Variants in KLHL24 observed in about 807,000 individuals in gnomAD.
KLHL24 encodes the protein kelch like family member 24.
KLHL24 carries 29 observed loss-of-function variants against 53.4 expected under a neutral mutation model. The ratio of observed to expected loss-of-function variants is 0.54; its 90% CI spans 0.40 to 0.74. The LOEUF is 0.74. Among genes scored for constraint, KLHL24 ranks in the 30% least tolerant of loss-of-function variants. The pLI, the probability that KLHL24 is intolerant of heterozygous loss-of-function variation, is 0.00. For synonymous variants in KLHL24, 222 were observed against 253.7 expected (o/e 0.88, Z 1.19); for missense variants, 504 against 744.0 (o/e 0.68, Z 3.75).
At chr3:183,643,934 C>T (rs1382643196) in intron 2 of KLHL24, among the ~76,000 whole-genome samples, 2 of 150,062 alleles carry the variant, frequency 1.3e-5, no homozygotes, top group African/African-American at 4.9e-5. Flanking sequence ...TGTAATCTTA[C>T]GTTTTGTTTG....
intron 7 of KLHL24, among the ~76,000 whole-genome samples, chr3:183,677,922 G>A (rs1007569630): frequency 6.6e-6 from 1 of 152,112 alleles, no homozygotes; most frequent in African/African-American, 2.4e-5. Context: ...CTCCCGAGTA[G>A]TAGGGATTAC....
intron 3 of KLHL24, among the ~76,000 whole-genome samples, chr3:183,656,530 T>G (rs1317950253): frequency 1.3e-5 from 2 of 152,220 alleles, no homozygotes; most frequent in Non-Finnish European, 2.9e-5. Flanking sequence ...AGAGAATTAA[T>G]ATGGTAGCTA....
intron 2 of KLHL24, among the ~76,000 whole-genome samples, chr3:183,649,361 T>C (rs9876259): frequency 0.33 from 50,895 of 152,004 alleles, 9,380 homozygotes; most frequent in African/African-American, 0.49. Context: ...TTTTTAATGG[T>C]TGCATAGACT....
intron 7 of KLHL24, among the ~76,000 whole-genome samples, chr3:183,674,202 C>G (rs1254938210): frequency 6.6e-6 from 1 of 151,980 alleles, no homozygotes; most frequent in Non-Finnish European, 1.5e-5. Flanking sequence ...ATTAGTCTTC[C>G]TTTCTCTAAT....
chr3:183,674,299 CT>C (rs1293123233), intron 7 of KLHL24, among the ~76,000 whole-genome samples: 8 of 145,104 alleles, frequency 5.5e-5, no homozygotes, highest in South Asian at 2.2e-4. Context: ...TTCTTTCTTT[CT>C]TTCCTTTCTT....
intron 1 of KLHL24, among the ~76,000 whole-genome samples, chr3:183,642,417 G>T (rs1716574183): frequency 6.6e-6 from 1 of 151,934 alleles, no homozygotes; most frequent in Non-Finnish European, 1.5e-5. Context: ...TAAAAAAAAG[G>T]TCGTTTATAT....
At chr3:183,671,869 TTTG>T (rs1200573145) in intron 6 of KLHL24, among the ~76,000 whole-genome samples, 1 of 152,228 alleles carries the variant, frequency 6.6e-6, no homozygotes, top group African/African-American at 2.4e-5. Flanking sequence ...TTATTTAGAA[TTTG>T]TTATTTCAGA....
intron 5 of KLHL24, among the ~76,000 whole-genome samples, chr3:183,669,833 G>A (rs1388939268): frequency 6.6e-6 from 1 of 152,198 alleles, no homozygotes; most frequent in Non-Finnish European, 1.5e-5. Context: ...TCAAGTGGGT[G>A]ATGGCAGCGG....
chr3:183,653,106 C>A (rs528956813), intron 3 of KLHL24, among the ~76,000 whole-genome samples: 4 of 152,294 alleles, frequency 2.6e-5, no homozygotes, highest in Admixed American at 6.5e-5. Flanking sequence ...TTTAAGGGAA[C>A]AAATCTATTT....
In KLHL24 at chr3:183,680,121, T is replaced by C. The variant is rs1271183480; in HGVS notation, c.*835T>C. ...GCAGTGGAAACCCATTTTGCAATAT[T>C]GTTTTGTGAAAAACAGGGACAGACA... On this transcript the variant is annotated 3_prime_UTR_variant, in exon 8 of 8. Transcript: ENST00000242810. 1.3e-5 allele frequency: 2 copies of C among 152,170 alleles called. No individual in the cohort carries two copies. Among genetic ancestry groups the C allele is most frequent in the East Asian group, 1.9e-4 (1 of 5,194 alleles). 9.4% of individuals were successfully genotyped at this position (152,170 alleles called of 1,614,324 possible). A position where few individuals can be genotyped will look rare whatever the true frequency, so the allele number is the denominator to read the frequency against.
intron 7 of KLHL24, among the ~76,000 whole-genome samples, chr3:183,676,378 G>A (rs769177957): frequency 1.3e-5 from 2 of 152,198 alleles, no homozygotes; most frequent in Non-Finnish European, 2.9e-5. Context: ...TTACAGGCAT[G>A]AGCCACGGCA....
At chr3:183,676,259 C>T (rs548665140) in intron 7 of KLHL24, among the ~76,000 whole-genome samples, 5 of 152,310 alleles carry the variant, frequency 3.3e-5, no homozygotes, top group Admixed American at 1.3e-4. Flanking sequence ...CCACACCCAG[C>T]TAATTTTTGT....
chr3:183,653,772 G>A (rs1462781369), intron 3 of KLHL24, among the ~76,000 whole-genome samples: 1 of 150,470 alleles, frequency 6.6e-6, no homozygotes, highest in East Asian at 2.0e-4. Flanking sequence ...CCCATTTTTT[G>A]GGGGCCTTTG....
intron 3 of KLHL24, among the ~76,000 whole-genome samples, chr3:183,656,180 G>A (rs1338819614): frequency 3.0e-4 from 45 of 151,176 alleles, no homozygotes; most frequent in Non-Finnish European, 5.9e-5. Flanking sequence ...GGGACTACAG[G>A]TGTACATCAC....
intron 3 of KLHL24, among the ~76,000 whole-genome samples, chr3:183,655,037 G>A (rs774894010): frequency 6.6e-6 from 1 of 152,172 alleles, no homozygotes; most frequent in African/African-American, 2.4e-5. Context: ...CCAATGTACG[G>A]TTAAGTTATA....
In KLHL24 at chr3:183,680,415, C is replaced by T. The variant is rs1712557824; in HGVS notation, c.*1129C>T. 1 of 152,216 alleles carries T rather than the reference C, an allele frequency of 6.6e-6. No homozygotes were observed. The highest frequency in any genetic ancestry group is 2.1e-4 in the South Asian group (1 of 4,830). The allele number at this position is 152,216 out of a possible 1,614,324, so 9.4% of individuals were successfully genotyped here. On this transcript the variant is annotated 3_prime_UTR_variant, in exon 8 of 8. Coordinates refer to ENST00000242810, the MANE Select transcript of KLHL24 (RefSeq NM_017644.3). ...GATTATCCCACTTTCTAGTGAACAG[C>T]TAAAATTCCTGAGAGTCTCTACTGT... is the stretch of plus-strand genomic sequence containing the variant.
At position 183,659,209 on chromosome 3, in the gene KLHL24, C is replaced by G. The variant is rs112591111; in HGVS notation, c.921-4249C>G. Among the ~76,000 whole-genome samples the G allele has an allele frequency of 2.5e-4, 38 of 152,090 alleles. 1 individual carries two copies. Among genetic ancestry groups the G allele is most frequent in the African/African-American group, 8.4e-4 (35 of 41,460 alleles). On this transcript the variant is annotated intron_variant, in intron 3 of 7. Coordinates refer to ENST00000242810, the MANE Select transcript of KLHL24 (RefSeq NM_017644.3). ...TGATTGCAAATAGAAACAAACTCAC[C>G]AGCTCAAGCATAAAAGGGAAATTTA...
rs149819240 is a variant in KLHL24, at chr3:183,679,323, A to C, written c.*37A>C. 7 of 1,529,004 alleles carry C rather than the reference A, an allele frequency of 4.6e-6. No individual in the cohort carries two copies. The Admixed American group carries it at 1.2e-4, about 26-fold the overall frequency. The allele number at this position is 1,529,004 out of a possible 1,614,324, so 94.7% of individuals were successfully genotyped here. Reference sequence around the variant, plus strand: ...CTCACCGAAGAAGCCACACTGATCCAAGATGGGAGGTTTTAAAAACTCTAC... The same window carrying C: ...CTCACCGAAGAAGCCACACTGATCCCAGATGGGAGGTTTTAAAAACTCTAC... On this transcript the variant is annotated 3_prime_UTR_variant, in exon 8 of 8. Transcript: ENST00000242810.
chr3:183,640,205 A>G (rs1716158803), intron 1 of KLHL24, among the ~76,000 whole-genome samples: 1 of 152,228 alleles, frequency 6.6e-6, no homozygotes, highest in South Asian at 2.1e-4. Flanking sequence ...GAGTAGGCTC[A>G]ATAGGGCAGC....
Sources: allele counts gnomAD v4.1 joint callset (sites outside exome capture counted in the v4.1 genomes callset), GRCh38; gene constraint gnomAD v4.1.1; transcripts MANE v1.5; gene names NCBI Gene and HGNC (gene_info 2026-07-23, HGNC 2026-07-21).